CADPS: variants seen among roughly 807,000 people sequenced by gnomAD.
CADPS encodes the protein calcium dependent secretion activator.
Under a neutral mutation model 167.3 loss-of-function variants are expected in CADPS, and 57 were observed. The ratio of observed to expected loss-of-function variants is 0.34; its 90% CI spans 0.28 to 0.42. The LOEUF (loss-of-function observed/expected upper bound fraction) is 0.42. Ranked by LOEUF, CADPS falls within the 20% of genes least tolerant of loss-of-function variation. The pLI is 1.00. For synonymous variants in CADPS, 676 were observed against 635.3 expected (o/e 1.06, Z -0.96); for missense variants, 1,414 against 1,738.1 (o/e 0.81, Z 3.32).
intron 1 of CADPS, among the ~76,000 whole-genome samples, chr3:62,778,653 C>A (rs959173356): frequency 9.2e-5 from 14 of 152,134 alleles, no homozygotes; most frequent in African/African-American, 3.1e-4. Context: ...GCCTATACAC[C>A]CACCACAGAC....
intron 3 of CADPS, among the ~76,000 whole-genome samples, chr3:62,742,840 C>T (rs898245571): frequency 4.6e-5 from 7 of 152,252 alleles, no homozygotes; most frequent in African/African-American, 1.7e-4. Context: ...AAAGAGAAAA[C>T]AGAAAACCGA....
intron 3 of CADPS, among the ~76,000 whole-genome samples, chr3:62,693,784 TA>T (rs67971671): frequency 0.085 from 12,346 of 144,528 alleles, 625 homozygotes; most frequent in Non-Finnish European, 0.12. Context: ...GACTCCATCT[TA>T]AAAAAAAAAA....
rs775420872 is a variant in CADPS, at chr3:62,492,458, G to T, written c.2728-12C>A. 3.7e-5 allele frequency: 59 copies of T among 1,609,724 alleles called. 1 individual carries two copies. The Admixed American group carries it at 7.9e-4, about 22-fold the overall frequency. ...CACCACGCAAAGGCCTTTAAAATTT[G>T]GCAGAAAAACAATAGACAAAGAAGT... On this transcript the variant is annotated splice_polypyrimidine_tract_variant and intron_variant, in intron 19 of 29. Transcript: ENST00000383710.
intron 3 of CADPS, among the ~76,000 whole-genome samples, chr3:62,715,996 C>T (rs945835732): frequency 1.3e-5 from 2 of 152,046 alleles, no homozygotes; most frequent in Non-Finnish European, 2.9e-5. Flanking sequence ...CCACCCGCCT[C>T]AGCCTCCCAA....
intron 27 of CADPS, among the ~76,000 whole-genome samples, 187 bp downstream of exon 27, chr3:62,445,578 T>C (rs1316673300): frequency 6.6e-6 from 1 of 151,788 alleles, no homozygotes; most frequent in Non-Finnish European, 1.5e-5. Flanking sequence ...CGTCTTCTTA[T>C]CTGAAAAAAA....
chr3:62,667,658 C>T (rs1176441890), intron 3 of CADPS, among the ~76,000 whole-genome samples: 4 of 152,096 alleles, frequency 2.6e-5, no homozygotes, highest in African/African-American at 4.8e-5. Context: ...AGAAATCCTA[C>T]ACCAAGGCAA....
chr3:62,455,875 G>C lies in CADPS; in HGVS notation c.3636+9492C>G, dbSNP rs1487469180. Among the ~76,000 whole-genome samples the C allele has an allele frequency of 6.6e-6, 1 of 152,132 alleles. No homozygotes were observed. The highest frequency in any genetic ancestry group is 2.4e-5 in the African/African-American group (1 of 41,426). On this transcript the variant is annotated intron_variant, in intron 26 of 29. Transcript: ENST00000383710. The surrounding 1 kb of genome is among the most constrained non-coding windows in gnomAD (Gnocchi z 4.4). ...CACGAAGGGGTCACTTGTGACCTCT[G>C]GTGTCCTTGACTTTTCCTGCAGGCT...
intron 8 of CADPS, among the ~76,000 whole-genome samples, chr3:62,573,283 T>G (rs2081626285): frequency 6.6e-6 from 1 of 152,218 alleles, no homozygotes; most frequent in South Asian, 2.1e-4. Flanking sequence ...TTATTCACAT[T>G]ATTTTTTATT....
chr3:62,444,430 G>T (rs1028792046), intron 27 of CADPS, among the ~76,000 whole-genome samples: 2 of 152,128 alleles, frequency 1.3e-5, no homozygotes, highest in African/African-American at 4.8e-5. Flanking sequence ...CATGACTTAG[G>T]TATTATCGTC....
In CADPS at chr3:62,874,229, A is replaced by T. The variant is rs1397211478; in HGVS notation, c.441+360T>A. ...CGCTGGAGAGCGCTGGGAGCCCTGC[A>T]AGCGAGCAAGGCCTCTCTGGGCGCC... On this transcript the variant is annotated intron_variant, in intron 1 of 29. Coordinates refer to ENST00000383710, the MANE Select transcript of CADPS (RefSeq NM_003716.4). This position sits in a 1 kb window ranked among gnomAD's most constrained non-coding sequence, Gnocchi z 7.1. Among the ~76,000 whole-genome samples the T allele has an allele frequency of 6.6e-6, 1 of 152,068 alleles. No individual in the cohort carries two copies. Among genetic ancestry groups the T allele is most frequent in the African/African-American group, 2.4e-5 (1 of 41,432 alleles).
chr3:62,429,470 T>C (rs2053487583), intron 28 of CADPS, among the ~76,000 whole-genome samples: 1 of 152,224 alleles, frequency 6.6e-6, no homozygotes, highest in African/African-American at 2.4e-5. Context: ...AATCTTTTGA[T>C]AGCCTATCTG....
At chr3:62,564,063 A>G (rs2079661062) in intron 9 of CADPS, among the ~76,000 whole-genome samples, 1 of 151,940 alleles carries the variant, frequency 6.6e-6, no homozygotes, top group Admixed American at 6.6e-5. Flanking sequence ...GTGCAGTGGC[A>G]TGATCTCGGC....
chr3:62,828,892 T>A (rs2074549174), intron 1 of CADPS, among the ~76,000 whole-genome samples: 1 of 152,148 alleles, frequency 6.6e-6, no homozygotes, highest in Middle Eastern at 3.2e-3. Flanking sequence ...ATTTTGGTTT[T>A]CTTTAGTGGA....
At chr3:62,762,883 A>G (rs2085851704) in intron 2 of CADPS, among the ~76,000 whole-genome samples, 1 of 152,054 alleles carries the variant, frequency 6.6e-6, no homozygotes, top group Non-Finnish European at 1.5e-5. Flanking sequence ...TTTTGAGATT[A>G]TTGCTGTTAC....
chr3:62,788,331 G>A (rs1441306925), intron 1 of CADPS, among the ~76,000 whole-genome samples: 1 of 152,130 alleles, frequency 6.6e-6, no homozygotes, highest in Non-Finnish European at 1.5e-5. Context: ...AGTTCTGCTT[G>A]TGTGGCTGAA....
chr3:62,500,857 C>T (rs923060502), intron 17 of CADPS, among the ~76,000 whole-genome samples: 12 of 151,984 alleles, frequency 7.9e-5, no homozygotes, highest in African/African-American at 2.9e-4. Context: ...ACGTAATGAA[C>T]ATATCAGGTC....
chr3:62,685,903 G>A (rs1392189884), intron 3 of CADPS, among the ~76,000 whole-genome samples: 1 of 152,068 alleles, frequency 6.6e-6, no homozygotes, highest in Admixed American at 6.6e-5. Flanking sequence ...TGGCCTGGGG[G>A]TTAGGGACCC....
chr3:62,473,521 G>A (rs1476164032), intron 24 of CADPS, among the ~76,000 whole-genome samples: 1 of 152,172 alleles, frequency 6.6e-6, no homozygotes, highest in Non-Finnish European at 1.5e-5. Context: ...AAGGCCATCA[G>A]AGAAAAATGA....
At chr3:62,536,356 G>A (rs1471852715) in intron 12 of CADPS, 89 bp downstream of exon 12, 8 of 1,168,070 alleles carry the variant, frequency 6.8e-6, no homozygotes, top group South Asian at 1.5e-5. Flanking sequence ...CTGTAATGGA[G>A]AAAAGAGCTT....
Sources: allele counts gnomAD v4.1 joint callset (sites outside exome capture counted in the v4.1 genomes callset), GRCh38; gene constraint gnomAD v4.1.1; non-coding constraint Gnocchi (gnomAD v3.1); transcripts MANE v1.5; gene names NCBI Gene and HGNC (gene_info 2026-07-23, HGNC 2026-07-21).